TBX1: variants seen among roughly 807,000 people sequenced by gnomAD.
TBX1 encodes the protein T-box transcription factor 1.
TBX1 carries 16 observed loss-of-function variants against 40.8 expected under a neutral mutation model. The observed-to-expected ratio is 0.39, with a 90% CI of 0.27 to 0.60. The LOEUF (loss-of-function observed/expected upper bound fraction) is 0.60. Ranked by LOEUF, TBX1 falls within the 20% of genes least tolerant of loss-of-function variation. The pLI, the probability that TBX1 is intolerant of heterozygous loss-of-function variation, is 0.51. For synonymous variants in TBX1, 403 were observed against 336.8 expected (o/e 1.20, Z -2.15); for missense variants, 755 against 728.5 (o/e 1.04, Z -0.42).
At chr22:19,782,787 G>C (rs1022545727), downstream of TBX1, 13 of 1,554,162 alleles carry the variant, frequency 8.4e-6, no homozygotes, top group Non-Finnish European at 1.1e-5. Context: ...GGCCTCAGCT[G>C]TCTGTGTTCA....
upstream of TBX1, among the ~76,000 whole-genome samples, chr22:19,758,859 C>T (rs1936548073): frequency 6.6e-6 from 1 of 152,246 alleles, no homozygotes; most frequent in Non-Finnish European, 1.5e-5. Context: ...AGTGAGCCAA[C>T]TTCAGGGGGC....
At chr22:19,769,191 C>G (rs979681223), downstream of TBX1, among the ~76,000 whole-genome samples, 1 of 152,118 alleles carries the variant, frequency 6.6e-6, no homozygotes, top group African/African-American at 2.4e-5. Context: ...GAACTCCTGA[C>G]CTCAGGTGAC....
At chr22:19,783,473 C>CTA (rs1317003779), downstream of TBX1, 3 of 268,814 alleles carry the variant, frequency 1.1e-5, no homozygotes, top group African/African-American at 6.7e-5. Context: ...TCACTTGAGC[C>CTA]TATTAGTTGG....
chr22:19,769,422 C>T (rs1601298392), downstream of TBX1, among the ~76,000 whole-genome samples: 1 of 152,368 alleles, frequency 6.6e-6, no homozygotes. Flanking sequence ...GTTTCCTCCC[C>T]TCCACCTTTG....
At chr22:19,778,345 C>A (rs900175670) in intron 8 of TBX1, among the ~76,000 whole-genome samples, 1 of 152,194 alleles carries the variant, frequency 6.6e-6, no homozygotes, top group Non-Finnish European at 1.5e-5. Context: ...AAGTGATCCT[C>A]CCGCTTTTGC....
chr22:19,760,965 C>G lies in TBX1; in HGVS notation c.122C>G (p.Ser41Trp). Reference protein sequence around the residue: ...GAAGGFPGAASPGADPYGPRE... With the variant: ...GAAGGFPGAAWPGADPYGPRE... ...GCGGGGGGCTTCCCGGGCGCCGCGTCGCCCGGCGCCGACCCGTACGGCCCG... is the reference window on the plus strand; with the variant it reads ...GCGGGGGGCTTCCCGGGCGCCGCGTGGCCCGGCGCCGACCCGTACGGCCCG... The change falls in exon 1 of 7, where the codon TCG becomes TGG. Residue 41 changes from serine (S) to tryptophan (W), a missense_variant. Coordinates refer to ENST00000649276, the MANE Select transcript of TBX1 (RefSeq NM_001379200.1). The G allele has an allele frequency of 2.0e-6, 2 of 988,590 alleles. No individual in the cohort carries two copies. Among genetic ancestry groups the G allele is most frequent in the Non-Finnish European group, 2.4e-6 (2 of 831,722 alleles). The allele number at this position is 988,590 out of a possible 1,614,324, so 61.2% of individuals were successfully genotyped here.
At chr22:19,765,224 TCCCAGTGGAGCCCAA>T in intron 4 of TBX1, 111 bp downstream of exon 4, 1 of 1,534,622 alleles carries the variant, frequency 6.5e-7, no homozygotes, top group Non-Finnish European at 8.9e-7. Flanking sequence ...CAGGCTGTGG[TCCCAGTGGAGCCCAA>T]CCCAACTGGA....
Position 19,763,362 on chromosome 22 carries a change from C to T in TBX1, c.539+20C>T, listed in dbSNP as rs375724304. 1.9e-6 allele frequency: 3 copies of T among 1,612,100 alleles called. No homozygotes were observed. Among genetic ancestry groups the T allele is most frequent in the East Asian group, 2.2e-5 (1 of 44,880 alleles). ...CTACCGGTGAGCGAGTGGTTGTAAG[C>T]GTGAGGGACCGGGAGGGCACCCTGG... On this transcript the variant is annotated intron_variant, in intron 2 of 6. Coordinates refer to ENST00000649276, the MANE Select transcript of TBX1 (RefSeq NM_001379200.1).
chr22:19,782,436 C>G (rs1446617195), downstream of TBX1, among the ~76,000 whole-genome samples: 1 of 152,146 alleles, frequency 6.6e-6, no homozygotes, highest in Non-Finnish European at 1.5e-5. Flanking sequence ...AACAAAACCT[C>G]TTGTTATGTT....
At position 19,766,353 on chromosome 22, in the gene TBX1, C is replaced by T. The variant is rs1049525061; in HGVS notation, c.1037-36C>T. Reference sequence around the variant, plus strand: ...GGGCGTCGGAGCTCCTCGGCGGCCCCGGCCGGCCGCGCTCACTCCTCGGCC... The same window carrying T: ...GGGCGTCGGAGCTCCTCGGCGGCCCTGGCCGGCCGCGCTCACTCCTCGGCC... On this transcript the variant is annotated intron_variant, in intron 6 of 6. Transcript: ENST00000649276. 5.6e-6 allele frequency: 7 copies of T among 1,252,918 alleles called. No homozygotes were observed. In the Admixed American group the frequency reaches 1.7e-4, roughly 31 times the overall value. 77.6% of individuals were successfully genotyped at this position (1,252,918 alleles called of 1,614,324 possible). A position where few individuals can be genotyped will look rare whatever the true frequency, so the allele number is the denominator to read the frequency against.
downstream of TBX1, among the ~76,000 whole-genome samples, chr22:19,767,793 G>T (rs1205936945): frequency 6.6e-6 from 1 of 152,256 alleles, no homozygotes; most frequent in African/African-American, 2.4e-5. Context: ...GGTGCTGGGA[G>T]GGGGAGAAGC....
Position 19,761,324 on chromosome 22 carries a change from C to A in TBX1, c.437+44C>A, listed in dbSNP as rs1338442167. On this transcript the variant is annotated intron_variant, in intron 1 of 6. Transcript: ENST00000649276. ...ACGCCGCGACCCTCCCCACGTGCTGCCGCCAGGGCTGCGGGCCTCCGCCTG... is the reference window on the plus strand; with the variant it reads ...ACGCCGCGACCCTCCCCACGTGCTGACGCCAGGGCTGCGGGCCTCCGCCTG... The A allele has an allele frequency of 5.9e-6, 9 of 1,512,778 alleles. No homozygotes were observed. In the East Asian group the frequency reaches 2.5e-4, roughly 42 times the overall value. 93.7% of individuals were successfully genotyped at this position (1,512,778 alleles called of 1,614,324 possible). A position where few individuals can be genotyped will look rare whatever the true frequency, so the allele number is the denominator to read the frequency against.
chr22:19,759,984 A>T (rs1601280560), upstream of TBX1, among the ~76,000 whole-genome samples: 1 of 152,176 alleles, frequency 6.6e-6, no homozygotes, highest in African/African-American at 2.4e-5. Flanking sequence ...TTAATAAGAG[A>T]GGAGAGAGCG....
intron 8 of TBX1, among the ~76,000 whole-genome samples, chr22:19,772,456 C>T (rs1328358885): frequency 2.6e-5 from 4 of 152,036 alleles, no homozygotes; most frequent in Admixed American, 2.6e-4. Context: ...CAGGCGTGTG[C>T]CACCACACCC....
At chr22:19,761,326 G>T (rs1451730731) in intron 1 of TBX1, 46 bp downstream of exon 1, 7 of 1,510,062 alleles carry the variant, frequency 4.6e-6, no homozygotes, top group East Asian at 2.8e-5. Context: ...ACGTGCTGCC[G>T]CCAGGGCTGC....
chr22:19,757,368 G>C (rs1936510460), upstream of TBX1, among the ~76,000 whole-genome samples: 3 of 152,126 alleles, frequency 2.0e-5, no homozygotes, highest in African/African-American at 7.2e-5. Context: ...CAGAGGTCTG[G>C]GGACCTCTGG....
At position 19,772,606 on chromosome 22, in the gene TBX1, G is replaced by A. The variant is rs41300470; in HGVS notation, c.1009+6604G>A. Reference sequence around the variant, plus strand: ...GCTGGCATTACAAGCGTGAGCCACCGTGCCCAGCCCTCTTCTCAAATAGTT... The same window carrying A: ...GCTGGCATTACAAGCGTGAGCCACCATGCCCAGCCCTCTTCTCAAATAGTT... On this transcript the variant is annotated intron_variant, in intron 8 of 8. Coordinates refer to the TBX1 transcript ENST00000329705. Among the ~76,000 whole-genome samples, 660 of 152,198 alleles carry A rather than the reference G, an allele frequency of 4.3e-3. 9 individuals are homozygous for A. The highest frequency in any genetic ancestry group is 0.015 in the African/African-American group (630 of 41,524).
upstream of TBX1, chr22:19,759,719 C>T (rs777500988): frequency 2.5e-6 from 4 of 1,607,396 alleles, no homozygotes; most frequent in African/African-American, 1.3e-5. Context: ...GCCCGCCAGA[C>T]CCCCTGCCTC....
intron 8 of TBX1, among the ~76,000 whole-genome samples, chr22:19,779,004 G>C (rs1937108667): frequency 6.6e-6 from 1 of 152,230 alleles, no homozygotes; most frequent in Non-Finnish European, 1.5e-5. Context: ...CTGTGGGAAA[G>C]GCCTGTGCTG....
Sources: allele counts gnomAD v4.1 joint callset (sites outside exome capture counted in the v4.1 genomes callset), GRCh38; gene constraint gnomAD v4.1.1; transcripts MANE v1.5; gene names NCBI Gene and HGNC (gene_info 2026-07-23, HGNC 2026-07-21).